DNAJC24: variants seen among roughly 807,000 people sequenced by gnomAD.
DNAJC24 encodes the protein DnaJ heat shock protein family (Hsp40) member C24.
A neutral mutation model predicts 18.0 loss-of-function variants in DNAJC24; 17 were observed. The observed-to-expected ratio is 0.94, with a 90% confidence interval of 0.65 to 1.42. DNAJC24 has a LOEUF of 1.42. DNAJC24 is among the 40% of genes most tolerant of loss of function. The pLI is 0.00. For synonymous variants in DNAJC24, 55 were observed against 57.7 expected, an observed-to-expected ratio of 0.95 and a Z score of 0.21; for missense variants, 158 against 175.6, an observed-to-expected ratio of 0.90 and a Z score of 0.57.
At chr11:31,389,373 A>G (rs1409703855) in intron 2 of DNAJC24, among the ~76,000 whole-genome samples, 1 of 152,204 alleles carries the variant, frequency 6.6e-6, no homozygotes. Flanking sequence ...ACTTATATCA[A>G]ACAAAATAGA....
At chr11:31,398,037 A>G (rs988292707) in intron 2 of DNAJC24, among the ~76,000 whole-genome samples, 1 of 152,020 alleles carries the variant, frequency 6.6e-6, no homozygotes, top group African/African-American at 2.4e-5. Context: ...TCTTGACCTC[A>G]TGATCCTCCT....
At chr11:31,396,553 C>T (rs1297051282) in intron 2 of DNAJC24, among the ~76,000 whole-genome samples, 5 of 152,120 alleles carry the variant, frequency 3.3e-5, no homozygotes, top group African/African-American at 1.2e-4. Context: ...TATGTTTCCC[C>T]TTGTCTGACT....
chr11:31,402,735 C>A (rs965392850), intron 2 of DNAJC24, among the ~76,000 whole-genome samples: 1 of 152,182 alleles, frequency 6.6e-6, no homozygotes, highest in Non-Finnish European at 1.5e-5. Context: ...TTCCTGAACT[C>A]CTGGCCTCAA....
intron 2 of DNAJC24, among the ~76,000 whole-genome samples, chr11:31,405,299 A>T (rs531435524): frequency 1.1e-3 from 171 of 150,902 alleles, no homozygotes; most frequent in African/African-American, 4.0e-3. Flanking sequence ...CGAACTCCTG[A>T]CCTCAGGTGA....
chr11:31,409,181 T>C (rs1273328689), intron 2 of DNAJC24, among the ~76,000 whole-genome samples: 1 of 152,240 alleles, frequency 6.6e-6, no homozygotes, highest in Non-Finnish European at 1.5e-5. Flanking sequence ...AGAAATTCCT[T>C]ATTTTTCCTT....
intron 2 of DNAJC24, among the ~76,000 whole-genome samples, chr11:31,387,972 A>T (rs1952446368): frequency 6.6e-6 from 1 of 152,180 alleles, no homozygotes; most frequent in African/African-American, 2.4e-5. Context: ...TCATATCCTG[A>T]AGAATTCATC....
chr11:31,385,482 T>C (rs1952419179), intron 2 of DNAJC24, among the ~76,000 whole-genome samples: 1 of 152,222 alleles, frequency 6.6e-6, no homozygotes. Context: ...TGTGTTAAAC[T>C]GTATGAAGAT....
intron 3 of DNAJC24, among the ~76,000 whole-genome samples, chr11:31,422,960 C>T (rs180996530): frequency 3.3e-5 from 5 of 152,258 alleles, no homozygotes; most frequent in Admixed American, 2.6e-4. Context: ...CTTGTGTGTA[C>T]CACGTCTGCT....
chr11:31,412,946 C>A (rs974567042), intron 2 of DNAJC24, among the ~76,000 whole-genome samples: 1 of 152,174 alleles, frequency 6.6e-6, no homozygotes, highest in Non-Finnish European at 1.5e-5. Context: ...GTAAAACTTA[C>A]ATACATTACA....
At chr11:31,426,383 A>AT in intron 4 of DNAJC24, 28 bp downstream of exon 4, 1 of 1,304,202 alleles carries the variant, frequency 7.7e-7, no homozygotes, top group Non-Finnish European at 1.0e-6. Context: ...TCTTGACAAC[A>AT]TTTAAAAAAA....
chr11:31,410,671 C>A (rs1450435462), intron 2 of DNAJC24, among the ~76,000 whole-genome samples: 1 of 152,192 alleles, frequency 6.6e-6, no homozygotes, highest in Non-Finnish European at 1.5e-5. Flanking sequence ...ATGATTCATT[C>A]TGAATTAAGT....
At chr11:31,403,324 T>C (rs956025914) in intron 2 of DNAJC24, among the ~76,000 whole-genome samples, 1 of 152,112 alleles carries the variant, frequency 6.6e-6, no homozygotes, top group Non-Finnish European at 1.5e-5. Flanking sequence ...GCAAGGAGAA[T>C]TGGGCAGCTC....
intron 3 of DNAJC24, chr11:31,421,880 T>C: frequency 2.6e-6 from 1 of 379,544 alleles, no homozygotes; most frequent in Non-Finnish European, 5.2e-6. Context: ...CTAGTAAGCT[T>C]TACTGAACCA....
intron 4 of DNAJC24, chr11:31,427,979 T>C (rs530073489): frequency 1.4e-5 from 2 of 146,410 alleles, no homozygotes; most frequent in East Asian, 2.0e-4. Context: ...AAAAAAAAAA[T>C]TTAAAAAAAA....
intron 3 of DNAJC24, among the ~76,000 whole-genome samples, chr11:31,424,508 T>A (rs970476387): frequency 6.6e-6 from 1 of 152,308 alleles, no homozygotes; most frequent in East Asian, 1.9e-4. Context: ...AATAGGAGTA[T>A]CTGAAGAGCA....
chr11:31,390,971 T>C (rs1467319375), intron 2 of DNAJC24, among the ~76,000 whole-genome samples: 2 of 152,128 alleles, frequency 1.3e-5, no homozygotes, highest in Non-Finnish European at 2.9e-5. Flanking sequence ...CTCAACAGAA[T>C]ACTAGCAAAC....
At chr11:31,370,373 G>C (rs1050649881) in intron 1 of DNAJC24, among the ~76,000 whole-genome samples, 1 of 152,076 alleles carries the variant, frequency 6.6e-6, no homozygotes, top group Non-Finnish European at 1.5e-5. Flanking sequence ...AGCGTGTTTA[G>C]TGGGTGCTTA....
Position 31,426,545 on chromosome 11 carries a change from CT to C in DNAJC24, c.319+191del, listed in dbSNP as rs536764396. On this transcript the variant is annotated intron_variant, in intron 4 of 4. Coordinates refer to ENST00000465995, the MANE Select transcript of DNAJC24 (RefSeq NM_181706.5). ...ACTTTATTTATTGACTGATGTCCCC[CT>C]ATATGACTCATTTCCAGTTATTTTT... 69 of 441,394 alleles carry C rather than the reference CT, an allele frequency of 1.6e-4. 1 individual carries two copies. In the South Asian group the frequency reaches 3.6e-3, roughly 23 times the overall value. The allele number at this position is 441,394 out of a possible 1,614,324, so 27.3% of individuals were successfully genotyped here.
intron 2 of DNAJC24, among the ~76,000 whole-genome samples, chr11:31,391,468 A>G (rs1266244202): frequency 1.3e-5 from 2 of 152,232 alleles, no homozygotes; most frequent in African/African-American, 4.8e-5. Context: ...TTCTTCAAAG[A>G]AGATGTACAA....
Sources: gnomAD v4.1 joint callset for allele counts (sites outside exome capture counted in the v4.1 genomes callset) on GRCh38, gnomAD v4.1.1 for gene constraint, MANE v1.5 for transcripts, NCBI Gene and HGNC (gene_info 2026-07-23, HGNC 2026-07-21) for gene names.